The following TRIM37 variants were observed in gnomAD, a reference collection of about 807,000 sequenced individuals.
TRIM37 encodes the protein tripartite motif containing 37, also known as E3 ubiquitin-protein ligase TRIM37.
In TRIM37, 80 loss-of-function variants were observed where a neutral mutation model predicts 129.8. The observed-to-expected ratio is 0.62, with a 90% CI of 0.51 to 0.74. The LOEUF is 0.74. Among genes scored for constraint, TRIM37 ranks in the 30% least tolerant of loss-of-function variants. The pLI is 0.00. For missense variants in TRIM37, 1,054 were observed against 1,176.5 expected (o/e 0.90, Z 1.52); for synonymous variants, 389 against 387.1 (o/e 1.00, Z -0.06).
rs149482839 is a variant in TRIM37 at position 59,082,659 on chromosome 17, T to C, written c.369+1343A>G. ...CATTCAGCTCAAAGAACAATTTTTA[T>C]AGCTAACTACCTAAAAATAATTTTG... On this transcript the variant is annotated intron_variant, in intron 5 of 23. Transcript: ENST00000262294. Among the ~76,000 whole-genome samples, 6 of 152,296 alleles carry C rather than the reference T, an allele frequency of 3.9e-5. No individual in the cohort carries two copies. The East Asian group carries it at 1.2e-3, about 29-fold the overall frequency.
chr17:59,063,074 G>A (rs917223338), intron 10 of TRIM37, among the ~76,000 whole-genome samples: 2 of 151,840 alleles, frequency 1.3e-5, no homozygotes, highest in African/African-American at 2.4e-5. Context: ...ACCTTAATAC[G>A]TGTGGGAAAA....
At chr17:59,099,890 G>A (rs1382658806) in intron 2 of TRIM37, among the ~76,000 whole-genome samples, 3 of 152,066 alleles carry the variant, frequency 2.0e-5, no homozygotes, top group Non-Finnish European at 2.9e-5. Context: ...CACAACCTCC[G>A]CCTTCTGGAT....
At chr17:59,083,449 A>AG (rs1383228094) in intron 5 of TRIM37, among the ~76,000 whole-genome samples, 3 of 152,190 alleles carry the variant, frequency 2.0e-5, no homozygotes, top group African/African-American at 7.2e-5. Flanking sequence ...AAAAAAAAAA[A>AG]GTATTCAGTA....
chr17:59,094,145 G>A (rs1395563602), intron 2 of TRIM37, among the ~76,000 whole-genome samples: 2 of 152,022 alleles, frequency 1.3e-5, no homozygotes, highest in African/African-American at 2.4e-5. Flanking sequence ...CTGCCCGCCT[G>A]GGCCTCCCAA....
chr17:58,978,545 T>TAA (rs1275866165), downstream of TRIM37, among the ~76,000 whole-genome samples: 1 of 152,086 alleles, frequency 6.6e-6, no homozygotes, highest in East Asian at 1.9e-4. Context: ...ACCCCGTCTC[T>TAA]AATAAAAATA....
At chr17:59,069,922 G>T (rs568783489) in intron 9 of TRIM37, among the ~76,000 whole-genome samples, 12 of 152,306 alleles carry the variant, frequency 7.9e-5, no homozygotes, top group African/African-American at 2.9e-4. Context: ...GCAAGCTGAG[G>T]CAAAAAAGTG....
At chr17:58,989,407 G>A (rs1766529414) in intron 24 of TRIM37, among the ~76,000 whole-genome samples, 1 of 152,086 alleles carries the variant, frequency 6.6e-6, no homozygotes, top group African/African-American at 2.4e-5. Context: ...CTGCACTCCA[G>A]CCTGGGTGAC....
chr17:59,076,383 A>G (rs2042815515), intron 7 of TRIM37, among the ~76,000 whole-genome samples: 1 of 152,224 alleles, frequency 6.6e-6, no homozygotes, highest in Admixed American at 6.5e-5. Context: ...TCTACAAAAA[A>G]GTAAAAAATT....
In TRIM37 at chr17:59,015,643, G is replaced by A. The variant is rs770505316; in HGVS notation, c.2543C>T (p.Ala848Val). Residue 848 changes from alanine (A) to valine (V), a missense_variant, in exon 21 of 24, where the codon GCG (alanine) becomes GTG (valine). Around this residue, in one of 3 missense-constraint regions of TRIM37, gnomAD observed 287 missense variants for 274.3 expected, o/e 1.05. Transcript: ENST00000262294. ...VVVAVFSGLP[A>V]VEKRRKMVTL... ...GACCATTTTCCTCCTTTTCTCAACCGCAGGCAAGCCACTGAAAACTGCAAC... is the reference window on the plus strand; with the variant it reads ...GACCATTTTCCTCCTTTTCTCAACCACAGGCAAGCCACTGAAAACTGCAAC... 1.1e-5 allele frequency: 17 copies of A among 1,613,788 alleles called. No individual in the cohort carries two copies. The highest frequency in any genetic ancestry group is 4.5e-5 in the East Asian group (2 of 44,878).
intron 17 of TRIM37, among the ~76,000 whole-genome samples, chr17:59,033,217 G>A (rs1351900292): frequency 1.3e-5 from 2 of 152,174 alleles, no homozygotes; most frequent in Non-Finnish European, 2.9e-5. Context: ...ATTTCAGAGA[G>A]ATCCAGCAGG....
chr17:59,063,425 G>T (rs1329414076), intron 10 of TRIM37, among the ~76,000 whole-genome samples: 2 of 152,058 alleles, frequency 1.3e-5, no homozygotes, highest in Non-Finnish European at 2.9e-5. Context: ...TGATCCACCC[G>T]CCTTGGCCTC....
At chr17:59,066,893 A>G (rs1043292661) in intron 9 of TRIM37, among the ~76,000 whole-genome samples, 1 of 152,238 alleles carries the variant, frequency 6.6e-6, no homozygotes, top group Non-Finnish European at 1.5e-5. Context: ...CACTTAACAC[A>G]TGCCTAAAAT....
intron 24 of TRIM37, chr17:58,983,621 TATA>T (rs932939186): frequency 4.6e-5 from 7 of 152,650 alleles, no homozygotes; most frequent in African/African-American, 1.7e-4. Context: ...ATTAGACAGA[TATA>T]AAAGTATCTA....
rs781736202 is a variant in TRIM37 at position 59,091,261 on chromosome 17, A to AT, written c.164+38dup. The AT allele has an allele frequency of 1.5e-5, 23 of 1,549,612 alleles. No individual in the cohort carries two copies. The Admixed American group carries it at 4.0e-4, about 27-fold the overall frequency. On this transcript the variant is annotated intron_variant, in intron 3 of 23. Coordinates refer to ENST00000262294, the MANE Select transcript of TRIM37 (RefSeq NM_015294.6). Reference sequence around the variant, plus strand: ...TCCCAAGGCACATTCTGATCTTACTATTTTCAAAATTCACAAATAATCGTA... The same window carrying AT: ...TCCCAAGGCACATTCTGATCTTACTATTTTTCAAAATTCACAAATAATCGTA...
At chr17:59,031,825 T>C (rs2037876825) in intron 18 of TRIM37, 71 bp downstream of exon 18, 1 of 1,499,298 alleles carries the variant, frequency 6.7e-7, no homozygotes, top group Non-Finnish European at 9.2e-7. Flanking sequence ...GCTGAAATAC[T>C]TAAATGAAAA....
At chr17:59,062,471 AAG>A in intron 11 of TRIM37, 94 bp downstream of exon 11, 1 of 976,828 alleles carries the variant, frequency 1.0e-6, no homozygotes, top group Non-Finnish European at 1.6e-6. Context: ...CAAAAAAAAG[AAG>A]AGTTAACAGT....
intron 24 of TRIM37, among the ~76,000 whole-genome samples, chr17:58,992,020 C>T (rs2032457697): frequency 1.3e-5 from 2 of 152,056 alleles, no homozygotes; most frequent in African/African-American, 4.8e-5. Context: ...ACCCTCACTT[C>T]TGATCAGCTG....
intron 22 of TRIM37, among the ~76,000 whole-genome samples, chr17:59,003,387 C>T (rs1054605090): frequency 6.6e-6 from 1 of 152,018 alleles, no homozygotes; most frequent in African/African-American, 2.4e-5. Flanking sequence ...AAAAATTGTT[C>T]AGGAGCTAGT....
intron 9 of TRIM37, among the ~76,000 whole-genome samples, chr17:59,069,713 G>A (rs1399560731): frequency 2.0e-5 from 3 of 152,160 alleles, no homozygotes; most frequent in Non-Finnish European, 4.4e-5. Context: ...CCATGTTAAA[G>A]CCCTAACCCC....
Sources: allele counts gnomAD v4.1 joint callset (sites outside exome capture counted in the v4.1 genomes callset), GRCh38; gene constraint gnomAD v4.1.1; regional missense constraint gnomAD v4.1.1; transcripts MANE v1.5; gene names NCBI Gene and HGNC (gene_info 2026-07-23, HGNC 2026-07-21).